The following ARHGAP20 variants were observed in gnomAD, a reference collection of about 807,000 sequenced individuals.
The protein encoded by ARHGAP20 is rho GTPase-activating protein 20.
ARHGAP20 carries 34 observed loss-of-function variants against 73.7 expected under a neutral mutation model. The observed-to-expected ratio is 0.46, with a 90% CI of 0.35 to 0.61. The LOEUF is 0.61. Ranked by LOEUF, ARHGAP20 falls within the 20% of genes least tolerant of loss-of-function variation. The pLI, the probability that ARHGAP20 is intolerant of heterozygous loss-of-function variation, is 0.00. For synonymous variants in ARHGAP20, 523 were observed against 518.2 expected (o/e 1.01, Z -0.13); for missense variants, 1,314 against 1,420.9 (o/e 0.92, Z 1.21).
intron 2 of ARHGAP20, among the ~76,000 whole-genome samples, chr11:110,638,384 C>T (rs953471635): frequency 2.6e-5 from 4 of 151,798 alleles, no homozygotes; most frequent in African/African-American, 9.7e-5. Context: ...CTTCTGGTCC[C>T]TAGCATTTTG....
At position 110,580,434 on chromosome 11, in the gene ARHGAP20, C is replaced by A. The variant is rs1947423323; in HGVS notation, c.2512G>T (p.Gly838Cys). ...GAGCAGCGCCGATGTGTCCTTGGACCCTTGAGGGCATCTGCTGTGTGTGGT... is the reference window on the plus strand; with the variant it reads ...GAGCAGCGCCGATGTGTCCTTGGACACTTGAGGGCATCTGCTGTGTGTGGT... The part of the protein sequence containing the change: ...SPPHTADALK[G>C]PRTHRRCSEP... The change falls in exon 15 of 15, where the codon GGT becomes TGT. Residue 838 changes from glycine to cysteine, a missense_variant. Around this residue, in one of 3 missense-constraint regions of ARHGAP20, gnomAD observed 641 missense variants for 636.9 expected, o/e 1.01. Transcript: ENST00000683387. 1.2e-6 allele frequency: 2 copies of A among 1,612,768 alleles called. No homozygotes were observed. The highest frequency in any genetic ancestry group is 2.2e-5 in the South Asian group (2 of 91,018).
At chr11:110,683,079 G>A (rs1433436407) in intron 2 of ARHGAP20, among the ~76,000 whole-genome samples, 1 of 152,106 alleles carries the variant, frequency 6.6e-6, no homozygotes, top group Non-Finnish European at 1.5e-5. Context: ...ATAGACAAAT[G>A]AATATCAACT....
In ARHGAP20 at chr11:110,580,822, G is replaced by A. The variant is rs778628654; in HGVS notation, c.2124C>T (p.Ile708=). 8.7e-6 allele frequency: 14 copies of A among 1,612,970 alleles called. No homozygotes were observed. Among genetic ancestry groups the A allele is most frequent in the East Asian group, 6.7e-5 (3 of 44,768 alleles). The part of the protein sequence containing the change: ...RRHRRCSEPS[I]DYLDSKLSYL... ...AGGAAAGCTTTGAATCCAGATAGTC[G>A]ATGCTGGGCTCTGAGCAACGCCGGT... Residue 708 remains isoleucine, a synonymous_variant, in exon 15 of 15, where the codon ATC becomes ATT. Transcript: ENST00000683387.
At chr11:110,679,112 G>A (rs1434875772) in intron 2 of ARHGAP20, among the ~76,000 whole-genome samples, 2 of 152,172 alleles carry the variant, frequency 1.3e-5, no homozygotes, top group African/African-American at 4.8e-5. Context: ...GAGTGGGAGG[G>A]TCTGCTTCCA....
chr11:110,581,066 T>A lies in ARHGAP20; in HGVS notation c.1880A>T (p.Gln627Leu). The A allele has an allele frequency of 1.2e-6, 2 of 1,614,222 alleles. No homozygotes were observed. Among genetic ancestry groups the A allele is most frequent in the Non-Finnish European group, 1.7e-6 (2 of 1,180,032 alleles). The change falls in exon 15 of 15, where the codon CAG (glutamine) becomes CTG (leucine). Residue 627 changes from glutamine to leucine, a missense_variant. By Grantham distance (113) the Gln-to-Leu change is moderately radical. Coordinates refer to ENST00000683387, the MANE Select transcript of ARHGAP20 (RefSeq NM_001384657.1). ...VLTLSDYDLD[Q>L]PEVEGLLTLS... ...GGTTAAAAGGCCTTCCACCTCGGGC[T>A]GGTCAAGATCATAGTCACTGAGGGT...
rs1271659974 is a variant in ARHGAP20 at position 110,690,602 on chromosome 11, T to G, written c.133A>C (p.Arg45=). 2 of 1,614,044 alleles carry G rather than the reference T, an allele frequency of 1.2e-6. No individual in the cohort carries two copies. ...KKMKTLAERR[R]SAPSLILDKA... is the part of the protein sequence containing the mutation. ...TCCAGGATAAGAGATGGAGCGCTCC[T>G]CCTCCTTTCTGCTAGTGTTTTCATT... The change falls in exon 2 of 15, where the codon AGG becomes CGG. Residue 45 remains arginine (R), a synonymous_variant. Transcript: ENST00000683387.
At chr11:110,604,627 A>G (rs1336563529) in intron 9 of ARHGAP20, among the ~76,000 whole-genome samples, 1 of 152,202 alleles carries the variant, frequency 6.6e-6, no homozygotes, top group Non-Finnish European at 1.5e-5. Flanking sequence ...CTCACATTTT[A>G]GTGGATGGAA....
intron 2 of ARHGAP20, among the ~76,000 whole-genome samples, chr11:110,686,652 C>T (rs75279701): frequency 0.025 from 3,780 of 152,072 alleles, 146 homozygotes; most frequent in African/African-American, 0.08. Context: ...CTATAGATAA[C>T]AGTATTATAT....
intron 1 of ARHGAP20, among the ~76,000 whole-genome samples, chr11:110,699,768 C>T (rs929953944): frequency 2.0e-5 from 3 of 151,844 alleles, no homozygotes; most frequent in African/African-American, 7.3e-5. Context: ...CCACTTACTT[C>T]CTGTCTATTG....
chr11:110,615,642 A>G, intron 4 of ARHGAP20, 48 bp from the exon 5 acceptor site: 2 of 1,514,080 alleles, frequency 1.3e-6, no homozygotes, highest in Non-Finnish European at 1.8e-6. Context: ...CATAAAATAC[A>G]AATGCTAACA....
chr11:110,695,579 T>C (rs1311340551), intron 1 of ARHGAP20, among the ~76,000 whole-genome samples: 1 of 151,512 alleles, frequency 6.6e-6, no homozygotes. Context: ...TATGAGAAAA[T>C]GCTCAACATA....
intron 2 of ARHGAP20, among the ~76,000 whole-genome samples, chr11:110,661,209 A>G (rs1284254968): frequency 6.6e-6 from 1 of 152,192 alleles, no homozygotes; most frequent in African/African-American, 2.4e-5. Context: ...TCCAAGAGGA[A>G]TTAGTCTATT....
intron 1 of ARHGAP20, among the ~76,000 whole-genome samples, chr11:110,702,496 C>T (rs1950473477): frequency 6.6e-6 from 1 of 152,166 alleles, no homozygotes; most frequent in Non-Finnish European, 1.5e-5. Flanking sequence ...TGCCCTCTCT[C>T]ACCATTCCTA....
chr11:110,610,913 A>G (rs1185512601), intron 7 of ARHGAP20, among the ~76,000 whole-genome samples: 1 of 152,110 alleles, frequency 6.6e-6, no homozygotes, highest in African/African-American at 2.4e-5. Flanking sequence ...AGACTGATTG[A>G]GTCTTGGGAT....
intron 7 of ARHGAP20, among the ~76,000 whole-genome samples, chr11:110,609,305 T>C (rs568078914): frequency 1.2e-4 from 18 of 152,294 alleles, no homozygotes; most frequent in Admixed American, 5.2e-4. Flanking sequence ...TTTAGAGTCC[T>C]GACTTCTGCT....
In ARHGAP20 at chr11:110,710,625, C is replaced by T. The variant is rs560655300; in HGVS notation, c.105+1502G>A. Among the ~76,000 whole-genome samples, 5 of 152,226 alleles carry T rather than the reference C, an allele frequency of 3.3e-5. No individual in the cohort carries two copies. The East Asian group carries it at 9.6e-4, about 29-fold the overall frequency. The stretch of plus-strand genomic sequence containing the variant: ...CACACACACACACTCCCTCCATCTC[C>T]GAAGGGGAAAAGCGACAAGGACAAA... On this transcript the variant is annotated intron_variant, in intron 1 of 14. Coordinates refer to ENST00000683387, the MANE Select transcript of ARHGAP20 (RefSeq NM_001384657.1).
chr11:110,649,087 C>G (rs985972014), intron 2 of ARHGAP20, among the ~76,000 whole-genome samples: 1 of 151,442 alleles, frequency 6.6e-6, no homozygotes, highest in Admixed American at 6.6e-5. Flanking sequence ...TAAATACTTT[C>G]TCTTTGCAAA....
chr11:110,650,118 C>A (rs1949316627), intron 2 of ARHGAP20, among the ~76,000 whole-genome samples: 1 of 152,122 alleles, frequency 6.6e-6, no homozygotes, highest in Non-Finnish European at 1.5e-5. Flanking sequence ...TGCTACTTAG[C>A]ACTTAATTAT....
At position 110,579,975 on chromosome 11, in the gene ARHGAP20, C is replaced by A; in HGVS notation, c.2971G>T (p.Asp991Tyr). The A allele has an allele frequency of 3.7e-6, 6 of 1,614,186 alleles. No individual in the cohort carries two copies. The highest frequency in any genetic ancestry group is 5.1e-6 in the Non-Finnish European group (6 of 1,180,032). Residue 991 changes from aspartate (D) to tyrosine (Y), a missense_variant, in exon 15 of 15, where the codon GAC (aspartate) becomes TAC (tyrosine). By Grantham distance (160) the Asp-to-Tyr change is radical. Transcript: ENST00000683387. ...GAAACATGGCTGGCATTGCTAAAGT[C>A]AGGAGAAAGGTCTTCCCGTTTTCTC... ...AQRKREDLSP[D>Y]FSNASHVSGM...
Sources: allele counts gnomAD v4.1 joint callset (sites outside exome capture counted in the v4.1 genomes callset), GRCh38; gene constraint gnomAD v4.1.1; regional missense constraint gnomAD v4.1.1; transcripts MANE v1.5; gene names NCBI Gene and HGNC (gene_info 2026-07-23, HGNC 2026-07-21).